Variants in ITPR2 observed in about 807,000 individuals in gnomAD.
ITPR2 encodes inositol 1,4,5-trisphosphate receptor type 2.
In ITPR2, 207 loss-of-function variants were observed where a neutral mutation model predicts 317.1. That is an observed-to-expected ratio of 0.65 (90% confidence interval 0.58 to 0.73). The LOEUF (loss-of-function observed/expected upper bound fraction) is 0.73, where lower values mean the gene tolerates loss of function less well. ITPR2 is among the 30% of genes least tolerant of loss of function. ITPR2 has a pLI of 0.00. For missense variants in ITPR2, 2,613 were observed against 3,284.0 expected, an observed-to-expected ratio of 0.80 and a Z score of 4.99; for synonymous variants, 1,156 against 1,149.1, an observed-to-expected ratio of 1.01 and a Z score of -0.12.
intron 1 of ITPR2, among the ~76,000 whole-genome samples, chr12:26,793,450 G>A (rs1950377708): frequency 6.6e-6 from 1 of 152,050 alleles, no homozygotes; most frequent in African/African-American, 2.4e-5. Flanking sequence ...GTTTTAAAAA[G>A]CTTTCTAACC....
intron 37 of ITPR2, among the ~76,000 whole-genome samples, chr12:26,546,254 A>G (rs899373143): frequency 9.9e-5 from 15 of 152,162 alleles, no homozygotes; most frequent in Non-Finnish European, 2.2e-4. Flanking sequence ...TTTGTTAAGT[A>G]TAGTCACCCT....
intron 34 of ITPR2, among the ~76,000 whole-genome samples, chr12:26,576,908 T>C (rs768612086): frequency 1.3e-5 from 2 of 152,182 alleles, no homozygotes; most frequent in Non-Finnish European, 2.9e-5. Context: ...CATAAATGAA[T>C]TGATGCTGTT....
At chr12:26,718,599 G>GTATA (rs535897969) in intron 5 of ITPR2, among the ~76,000 whole-genome samples, 42 of 149,706 alleles carry the variant, frequency 2.8e-4, no homozygotes, top group Admixed American at 6.7e-5. Flanking sequence ...ATGTGTGTGT[G>GTATA]TATATATATA....
intron 49 of ITPR2, among the ~76,000 whole-genome samples, chr12:26,426,436 T>C (rs1941063353): frequency 6.6e-6 from 1 of 152,198 alleles, no homozygotes; most frequent in Admixed American, 6.5e-5. Context: ...AAACATTTTC[T>C]GAATGTTTCA....
chr12:26,417,209 T>C (rs1237006438), intron 50 of ITPR2, among the ~76,000 whole-genome samples: 2 of 152,122 alleles, frequency 1.3e-5, no homozygotes, highest in African/African-American at 2.4e-5. Context: ...CCTCTAAACA[T>C]CAAAATGGAC....
intron 2 of ITPR2, among the ~76,000 whole-genome samples, chr12:26,767,825 T>C (rs964755464): frequency 6.6e-6 from 1 of 152,228 alleles, no homozygotes; most frequent in African/African-American, 2.4e-5. Flanking sequence ...AATCCTGCGA[T>C]AAACATCTCA....
rs1225880578 is a variant in ITPR2, at chr12:26,831,216, TG to T, written c.92+1473del. Among the ~76,000 whole-genome samples the T allele has an allele frequency of 1.7e-4, 26 of 152,166 alleles. No individual in the cohort carries two copies. Among genetic ancestry groups the T allele is most frequent in the Non-Finnish European group, 4.4e-5 (3 of 68,038 alleles). ...GATTCACAAACCCAGCAGAAGCGCT[TG>T]GCACTAACGTGTTTTTCCTACCACG... On this transcript the variant is annotated intron_variant, in intron 1 of 56. Coordinates refer to ENST00000381340, the MANE Select transcript of ITPR2 (RefSeq NM_002223.4). The surrounding 1 kb of genome is among the most constrained non-coding windows in gnomAD (Gnocchi z 4.9).
At chr12:26,719,151 C>G (rs17402108) in intron 5 of ITPR2, among the ~76,000 whole-genome samples, 24,408 of 152,104 alleles carry the variant, frequency 0.16, 2,715 homozygotes, top group Non-Finnish European at 0.24. Context: ...TTAAGAAGTT[C>G]CAGGGAGAAA....
At chr12:26,822,652 G>A (rs1485673997) in intron 1 of ITPR2, among the ~76,000 whole-genome samples, 1 of 152,118 alleles carries the variant, frequency 6.6e-6, no homozygotes. Context: ...GGGAAAGGAG[G>A]TAAAAATATA....
chr12:26,441,802 G>A (rs1941493721), intron 46 of ITPR2, among the ~76,000 whole-genome samples: 1 of 152,034 alleles, frequency 6.6e-6, no homozygotes, highest in South Asian at 2.1e-4. Context: ...ACCAACTTCT[G>A]CTCATTTATT....
chr12:26,443,325 AT>A (rs3834472), intron 46 of ITPR2, among the ~76,000 whole-genome samples: 5,102 of 152,216 alleles, frequency 0.034, 230 homozygotes, highest in East Asian at 0.21. Flanking sequence ...ACAAAAAAAA[AT>A]TTTACATATA....
intron 1 of ITPR2, among the ~76,000 whole-genome samples, chr12:26,822,705 C>A (rs758855717): frequency 1.3e-5 from 2 of 152,182 alleles, no homozygotes; most frequent in Admixed American, 6.5e-5. Context: ...TTCTCCCAAG[C>A]AACTGCCAAG....
rs1300550524 is a variant in ITPR2 at position 26,710,457 on chromosome 12, A to G, written c.951+716T>C. The stretch of plus-strand genomic sequence containing the variant: ...ATCTCCTTCTCCCCATCCTCTATCC[A>G]TTCACAAAATAGTCATCAAATGCTA... On this transcript the variant is annotated intron_variant, in intron 9 of 56. Transcript: ENST00000381340. Among the ~76,000 whole-genome samples the G allele has an allele frequency of 2.0e-5, 3 of 152,192 alleles. No homozygotes were observed. The East Asian group carries it at 5.8e-4, about 29-fold the overall frequency.
chr12:26,472,318 A>G (rs1003283193), intron 45 of ITPR2, among the ~76,000 whole-genome samples: 1 of 152,156 alleles, frequency 6.6e-6, no homozygotes, highest in Non-Finnish European at 1.5e-5. Flanking sequence ...CTTACAGTGT[A>G]ATCATGAGGC....
chr12:26,731,647 T>A (rs1949030518), intron 2 of ITPR2, among the ~76,000 whole-genome samples: 2 of 151,928 alleles, frequency 1.3e-5, no homozygotes, highest in African/African-American at 4.8e-5. Flanking sequence ...AAAATTTTTT[T>A]AAAAAATCAG....
intron 39 of ITPR2, 147 bp from the exon 40 acceptor site, chr12:26,487,398 T>C: frequency 1.7e-6 from 1 of 577,996 alleles, no homozygotes; most frequent in Non-Finnish European, 3.0e-6. Context: ...CCTTTGCCAG[T>C]TTCTTGTACT....
chr12:26,549,133 C>A (rs1944460766), intron 37 of ITPR2, among the ~76,000 whole-genome samples: 1 of 152,066 alleles, frequency 6.6e-6, no homozygotes, highest in Non-Finnish European at 1.5e-5. Flanking sequence ...ACCAAAAGTC[C>A]CAAGGAATTC....
intron 5 of ITPR2, chr12:26,721,412 C>A: frequency 2.0e-6 from 1 of 488,892 alleles, no homozygotes; most frequent in Non-Finnish European, 3.7e-6. Context: ...ATTCCTAAGA[C>A]AAGAAATATC....
chr12:26,343,623 C>T (rs1421377608), intron 55 of ITPR2, among the ~76,000 whole-genome samples: 4 of 152,216 alleles, frequency 2.6e-5, no homozygotes, highest in African/African-American at 4.8e-5. Context: ...GTGCACTAAA[C>T]TCCTGAAGTC....
Sources: gnomAD v4.1 joint callset for allele counts (sites outside exome capture counted in the v4.1 genomes callset) on GRCh38, gnomAD v4.1.1 for gene constraint, Gnocchi (gnomAD v3.1) non-coding constraint, MANE v1.5 for transcripts, NCBI Gene and HGNC (gene_info 2026-07-23, HGNC 2026-07-21) for gene names.